Variants in CD163L1 observed in about 807,000 individuals in gnomAD.
CD163L1 encodes CD163 molecule like 1, also known as scavenger receptor cysteine-rich type 1 protein M160.
In CD163L1, 124 loss-of-function variants were observed where a neutral mutation model predicts 165.4. The ratio of observed to expected loss-of-function variants is 0.75; its 90% CI spans 0.65 to 0.87. The LOEUF (loss-of-function observed/expected upper bound fraction) is 0.87, where lower values mean the gene tolerates loss of function less well. CD163L1 is among the 40% of genes least tolerant of loss of function. CD163L1 has a pLI of 0.00. For missense variants in CD163L1, 1,525 were observed against 1,799.9 expected (o/e 0.85, Z 2.76); for synonymous variants, 585 against 662.2 (o/e 0.88, Z 1.79).
the CD163L1 span, among the ~76,000 whole-genome samples, chr12:7,330,962 G>A: frequency 7.2e-5 from 11 of 152,292 alleles, no homozygotes; most frequent in African/African-American, 1.9e-4. Flanking sequence ...ACAGTGCACC[G>A]TGCACGAGCT....
intron 4 of CD163L1, among the ~76,000 whole-genome samples, chr12:7,419,596 C>G (rs1214150437): frequency 6.6e-6 from 1 of 151,940 alleles, no homozygotes; most frequent in Non-Finnish European, 1.5e-5. Context: ...GATCATATAC[C>G]TAGAAAACCC....
At position 7,403,624 on chromosome 12, in the gene CD163L1, C is replaced by G. The variant is rs913443026; in HGVS notation, c.1319G>C (p.Gly440Ala). Residue 440 changes from glycine to alanine, a missense_variant, in exon 6 of 20, where the codon GGG (glycine) becomes GCG (alanine). Gly to Ala is a moderately conservative substitution (Grantham distance 60). Transcript: ENST00000313599. ...DIWINSISCT[G>A]NESALWDCTY... Reference sequence around the variant, plus strand: ...GCAGTCCCAGAGAGCTGACTCATTCCCAGTGCAAGATATGCTGTTTATCCA... The same window carrying G: ...GCAGTCCCAGAGAGCTGACTCATTCGCAGTGCAAGATATGCTGTTTATCCA... The G allele has an allele frequency of 6.2e-7, 1 of 1,613,970 alleles. No homozygotes were observed. Among genetic ancestry groups the G allele is most frequent in the Non-Finnish European group, 8.5e-7 (1 of 1,179,946 alleles).
At chr12:7,402,422 T>C (rs1207179820) in intron 6 of CD163L1, among the ~76,000 whole-genome samples, 1 of 152,040 alleles carries the variant, frequency 6.6e-6, no homozygotes, top group Non-Finnish European at 1.5e-5. Context: ...ATTTATCCTA[T>C]ATCTATCATC....
intron 7 of CD163L1, among the ~76,000 whole-genome samples, chr12:7,397,020 G>A (rs1399013254): frequency 6.6e-6 from 1 of 152,028 alleles, no homozygotes; most frequent in Non-Finnish European, 1.5e-5. Context: ...TTCTAGAATT[G>A]GTTCTCTAAT....
chr12:7,321,640 A>C, the CD163L1 span, among the ~76,000 whole-genome samples: 2 of 152,222 alleles, frequency 1.3e-5, no homozygotes, highest in Admixed American at 6.5e-5. Flanking sequence ...TTTGTATTCT[A>C]CCCACACCCT....
chr12:7,375,822 C>T lies in CD163L1; in HGVS notation c.2564G>A (p.Gly855Asp). The change falls in exon 10 of 20, where the codon GGT becomes GAT. Residue 855 changes from glycine (G) to aspartate (D), a missense_variant. Coordinates refer to ENST00000313599, the MANE Select transcript of CD163L1 (RefSeq NM_174941.6). ...CTGGAACTTTTCGGCCCAAGTTAGACCATTCCCTTTTCCAAAGTGATCTCC... is the reference window on the plus strand; with the variant it reads ...CTGGAACTTTTCGGCCCAAGTTAGATCATTCCCTTTTCCAAAGTGATCTCC... The part of the protein sequence containing the change: ...SVGDHFGKGN[G>D]LTWAEKFQCE... 1.2e-6 allele frequency: 2 copies of T among 1,614,224 alleles called. No homozygotes were observed. The highest frequency in any genetic ancestry group is 1.7e-6 in the Non-Finnish European group (2 of 1,180,040).
At chr12:7,327,155 T>C in the CD163L1 span, 1 of 1,491,674 alleles carries the variant, frequency 6.7e-7, no homozygotes, top group Non-Finnish European at 9.0e-7. Flanking sequence ...TAAGCTAGAA[T>C]TAGATTTTAC....
rs1183450384 is a variant in CD163L1, at chr12:7,368,375, C to A, written c.4073-178G>T. 6.6e-6 allele frequency among the ~76,000 whole-genome samples: 1 copy of A among 152,134 alleles called. No individual in the cohort carries two copies. Among genetic ancestry groups the A allele is most frequent in the Admixed American group, 6.5e-5 (1 of 15,276 alleles). On this transcript the variant is annotated intron_variant, in intron 16 of 19. Transcript: ENST00000313599. The surrounding 1 kb of genome is among the most constrained non-coding windows in gnomAD (Gnocchi z 4.3). ...ATTTTAGATGAAAACTATCTTGGAA[C>A]AACTGAATCCAAATCTTTCCATAAT... is the stretch of plus-strand genomic sequence containing the variant.
At position 7,379,176 on chromosome 12, in the gene CD163L1, C is replaced by G. The variant is rs764139329; in HGVS notation, c.2173G>C (p.Glu725Gln). ...CATTCAAGTTGCCTGCAAACAACTTCAGCAATGTTCATTCCCCAGCCATTA... is the reference window on the plus strand; with the variant it reads ...CATTCAAGTTGCCTGCAAACAACTTGAGCAATGTTCATTCCCCAGCCATTA... ...CANGWGMNIA[E>Q]VVCRQLECGS... Residue 725 changes from glutamate (E) to glutamine (Q), a missense_variant, in exon 9 of 20, where the codon GAA (glutamate) becomes CAA (glutamine). By Grantham distance (29) the Glu-to-Gln change is conservative. Transcript: ENST00000313599. The G allele has an allele frequency of 4.3e-5, 70 of 1,614,158 alleles. 1 individual carries two copies. The East Asian group carries it at 7.1e-4, about 16-fold the overall frequency.
chr12:7,377,291 T>C (rs4883261), intron 9 of CD163L1, among the ~76,000 whole-genome samples: 88,308 of 152,032 alleles, frequency 0.58, 28,349 homozygotes, highest in Non-Finnish European at 0.75. Flanking sequence ...ATTTGGAATT[T>C]CATTCTGTCC....
Position 7,347,989 on chromosome 12 carries a change from A to G in CD163L1, c.*25-842T>C, listed in dbSNP as rs180870228. ...CTTCTTTAAATATTTACTACTTTGC[A>G]TCATTAAATTAACACATTTTCAAAC... is the stretch of plus-strand genomic sequence containing the variant. On this transcript the variant is annotated intron_variant, in intron 4 of 4. Transcript: ENST00000539726. The surrounding 1 kb of genome is among the most constrained non-coding windows in gnomAD (Gnocchi z 4.2). 1.1e-4 allele frequency among the ~76,000 whole-genome samples: 17 copies of G among 152,308 alleles called. No homozygotes were observed. The highest frequency in any genetic ancestry group is 4.1e-4 in the African/African-American group (17 of 41,578).
At chr12:7,442,437 C>A (rs766093775) in intron 1 of CD163L1, among the ~76,000 whole-genome samples, 1 of 152,160 alleles carries the variant, frequency 6.6e-6, no homozygotes, top group Non-Finnish European at 1.5e-5. Context: ...TAAAATGGAT[C>A]CCGGGCACTT....
At chr12:7,339,922 T>C in the CD163L1 span, among the ~76,000 whole-genome samples, 2 of 152,168 alleles carry the variant, frequency 1.3e-5, no homozygotes, top group Non-Finnish European at 2.9e-5. Flanking sequence ...TTTGTAGGTA[T>C]GAGATCATCA....
intron 4 of CD163L1, among the ~76,000 whole-genome samples, chr12:7,426,748 TAGAC>T (rs1325392087): frequency 1.3e-5 from 2 of 152,132 alleles, no homozygotes; most frequent in South Asian, 2.1e-4. Context: ...AATAAATAAA[TAGAC>T]AGAGTGGTTG....
At chr12:7,405,712 G>A (rs890944540) in intron 5 of CD163L1, among the ~76,000 whole-genome samples, 1 of 152,166 alleles carries the variant, frequency 6.6e-6, no homozygotes, top group African/African-American at 2.4e-5. Context: ...GGCATCCTGT[G>A]TAAGGCTGGT....
intron 8 of CD163L1, among the ~76,000 whole-genome samples, chr12:7,383,306 C>T (rs1224483434): frequency 2.0e-5 from 3 of 152,126 alleles, no homozygotes; most frequent in African/African-American, 7.2e-5. Context: ...CTACATGTGC[C>T]ACCTGGGGGC....
chr12:7,417,364 A>G (rs1200370487), intron 4 of CD163L1, among the ~76,000 whole-genome samples: 1 of 152,094 alleles, frequency 6.6e-6, no homozygotes, highest in Non-Finnish European at 1.5e-5. Context: ...ATGTGCAGAG[A>G]CTATTTGACT....
the CD163L1 span, among the ~76,000 whole-genome samples, chr12:7,327,541 T>C: frequency 6.6e-6 from 1 of 152,186 alleles, no homozygotes; most frequent in Non-Finnish European, 1.5e-5. Context: ...ATGGAATCTT[T>C]CCTGAAACCT....
the CD163L1 span, among the ~76,000 whole-genome samples, chr12:7,323,789 G>A: frequency 3.9e-5 from 6 of 152,086 alleles, no homozygotes; most frequent in Non-Finnish European, 8.8e-5. Context: ...CTGGAATGAG[G>A]GTGCAGTTGG....
Sources: allele counts gnomAD v4.1 joint callset (sites outside exome capture counted in the v4.1 genomes callset), GRCh38; gene constraint gnomAD v4.1.1; non-coding constraint Gnocchi (gnomAD v3.1); transcripts MANE v1.5; gene names NCBI Gene and HGNC (gene_info 2026-07-23, HGNC 2026-07-21).